Variants in TBC1D1 observed in about 807,000 individuals in gnomAD.
TBC1D1 encodes TBC1 domain family member 1, also known as TBC1 (tre-2/USP6, BUB2, cdc16) domain family, member 1.
Under a neutral mutation model 125.6 loss-of-function variants are expected in TBC1D1, and 89 were observed. That is an observed-to-expected ratio of 0.71 (90% CI 0.60 to 0.85). The LOEUF is 0.85. Among genes scored for constraint, TBC1D1 ranks in the 40% least tolerant of loss-of-function variants. TBC1D1 has a pLI of 0.00. For synonymous variants in TBC1D1, 565 were observed against 564.1 expected, an observed-to-expected ratio of 1.00 and a Z score of -0.02; for missense variants, 1,377 against 1,469.2, an observed-to-expected ratio of 0.94 and a Z score of 1.03.
chr4:37,934,951 ACT>A (rs141945952), intron 2 of TBC1D1, among the ~76,000 whole-genome samples: 1 of 151,232 alleles, frequency 6.6e-6, no homozygotes, highest in Admixed American at 6.6e-5. Flanking sequence ...GACTGAGTGG[ACT>A]CTCTCTCTCT....
intron 7 of TBC1D1, among the ~76,000 whole-genome samples, chr4:38,030,173 G>A (rs147474923): frequency 6.6e-6 from 1 of 152,180 alleles, no homozygotes; most frequent in Admixed American, 6.5e-5. Flanking sequence ...ATCAGTATAG[G>A]TAATACACAA....
intron 14 of TBC1D1, among the ~76,000 whole-genome samples, chr4:38,101,461 T>C (rs1760322325): frequency 6.6e-6 from 1 of 152,230 alleles, no homozygotes; most frequent in African/African-American, 2.4e-5. Flanking sequence ...AGGTTTGCCC[T>C]AAATAACATC....
At chr4:37,902,898 AC>A (rs1716389383) in intron 2 of TBC1D1, among the ~76,000 whole-genome samples, 1 of 152,168 alleles carries the variant, frequency 6.6e-6, no homozygotes, top group Admixed American at 6.5e-5. Flanking sequence ...TCTGGGGTGG[AC>A]CCCAAGACTG....
At chr4:37,961,372 G>C (rs1189334496) in intron 2 of TBC1D1, among the ~76,000 whole-genome samples, 1 of 152,098 alleles carries the variant, frequency 6.6e-6, no homozygotes, top group Non-Finnish European at 1.5e-5. Flanking sequence ...TAGCAGCAAA[G>C]GGAGATAATT....
At chr4:38,039,384 T>C (rs895643154) in intron 8 of TBC1D1, among the ~76,000 whole-genome samples, 1 of 152,100 alleles carries the variant, frequency 6.6e-6, no homozygotes, top group African/African-American at 2.4e-5. Flanking sequence ...TCCAAAGTGC[T>C]GGGATTACAG....
At chr4:38,118,628 G>GATA in intron 17 of TBC1D1, 1 of 157,620 alleles carries the variant, frequency 6.3e-6, no homozygotes, top group Non-Finnish European at 1.4e-5. Flanking sequence ...TTCTCTTCTT[G>GATA]CCCTGCCCTT....
chr4:38,086,564 A>T (rs185239071), intron 12 of TBC1D1, among the ~76,000 whole-genome samples: 1 of 152,280 alleles, frequency 6.6e-6, no homozygotes, highest in Admixed American at 6.5e-5. Flanking sequence ...ATGTCTTTGT[A>T]TTCTGGACTT....
At chr4:38,007,666 A>G (rs1740613501) in intron 2 of TBC1D1, among the ~76,000 whole-genome samples, 1 of 152,088 alleles carries the variant, frequency 6.6e-6, no homozygotes, top group Admixed American at 6.5e-5. Flanking sequence ...CTGTTTAGTC[A>G]TTTATGTGCT....
intron 6 of TBC1D1, among the ~76,000 whole-genome samples, chr4:38,026,784 C>T (rs572289495): frequency 2.6e-5 from 4 of 152,262 alleles, no homozygotes; most frequent in East Asian, 1.9e-4. Flanking sequence ...CTTGAAATAT[C>T]GGGTTCTAAT....
chr4:37,918,278 A>G lies in TBC1D1; in HGVS notation c.417+15766A>G, dbSNP rs192946433. Among the ~76,000 whole-genome samples, 55 of 152,354 alleles carry G rather than the reference A, an allele frequency of 3.6e-4. No homozygotes were observed. The East Asian group carries it at 7.1e-3, about 20-fold the overall frequency. Reference sequence around the variant, plus strand: ...GACTACCACTGATTTTTACAATGACAAAAAGAAAAGAAAAGCATGTTTCAT... The same window carrying G: ...GACTACCACTGATTTTTACAATGACGAAAAGAAAAGAAAAGCATGTTTCAT... On this transcript the variant is annotated intron_variant, in intron 2 of 19. Transcript: ENST00000261439.
intron 7 of TBC1D1, among the ~76,000 whole-genome samples, chr4:38,031,987 G>T (rs1452680011): frequency 6.6e-6 from 1 of 152,124 alleles, no homozygotes; most frequent in Non-Finnish European, 1.5e-5. Context: ...TTTTTATAAG[G>T]TATATACAAC....
chr4:38,114,617 C>A (rs1165338661), intron 15 of TBC1D1, among the ~76,000 whole-genome samples: 1 of 152,218 alleles, frequency 6.6e-6, no homozygotes, highest in Non-Finnish European at 1.5e-5. Context: ...AAGTACTTCT[C>A]TGCTCCCTGG....
At chr4:38,136,073 C>T (rs901066845) in intron 19 of TBC1D1, among the ~76,000 whole-genome samples, 2 of 151,952 alleles carry the variant, frequency 1.3e-5, no homozygotes, top group Admixed American at 6.6e-5. Context: ...AGCTGGGGAA[C>T]AGGTCAGAAA....
At chr4:37,981,911 T>G (rs1734404478) in intron 2 of TBC1D1, among the ~76,000 whole-genome samples, 2 of 152,186 alleles carry the variant, frequency 1.3e-5, no homozygotes, top group Admixed American at 6.5e-5. Flanking sequence ...AGCTTGGACC[T>G]CAGTAATAAG....
At position 37,960,874 on chromosome 4, in the gene TBC1D1, T is replaced by C. The variant is rs779276793; in HGVS notation, c.418-53635T>C. 6.2e-6 allele frequency: 10 copies of C among 1,614,024 alleles called. No homozygotes were observed. The South Asian group carries it at 1.1e-4, about 18-fold the overall frequency. ...CTCCCCTTGAGTGGAGTGCCTCTCA[T>C]GATCCTTGATGAGGAGGGAGAGCTT... is the stretch of plus-strand genomic sequence containing the variant. On this transcript the variant is annotated intron_variant, in intron 2 of 19. Transcript: ENST00000261439.
At chr4:37,976,600 G>A (rs1192420743) in intron 2 of TBC1D1, among the ~76,000 whole-genome samples, 1 of 152,206 alleles carries the variant, frequency 6.6e-6, no homozygotes, top group African/African-American at 2.4e-5. Context: ...AACTCAGTGA[G>A]TGGTTCCACC....
chr4:38,123,632 C>T (rs913306989), intron 17 of TBC1D1, among the ~76,000 whole-genome samples: 1 of 152,198 alleles, frequency 6.6e-6, no homozygotes, highest in Non-Finnish European at 1.5e-5. Context: ...CACTTTCCTG[C>T]GGCCACCCTG....
intron 2 of TBC1D1, among the ~76,000 whole-genome samples, chr4:37,984,536 A>G (rs991587064): frequency 3.3e-5 from 5 of 152,050 alleles, no homozygotes; most frequent in Non-Finnish European, 7.4e-5. Context: ...CTTTTGATTG[A>G]CTTTTAAGGA....
At chr4:38,099,136 TA>T (rs1463179110) in intron 14 of TBC1D1, among the ~76,000 whole-genome samples, 1 of 152,188 alleles carries the variant, frequency 6.6e-6, no homozygotes, top group African/African-American at 2.4e-5. Context: ...ATGCCATTTA[TA>T]AAAACTTACT....
Sources: allele counts gnomAD v4.1 joint callset (sites outside exome capture counted in the v4.1 genomes callset), GRCh38; gene constraint gnomAD v4.1.1; transcripts MANE v1.5; gene names NCBI Gene and HGNC (gene_info 2026-07-23, HGNC 2026-07-21).